Variants in ABTB2 observed in about 807,000 individuals in gnomAD.
The protein encoded by ABTB2 is ankyrin repeat and BTB/POZ domain-containing protein 2.
Under a neutral mutation model 104.1 loss-of-function variants are expected in ABTB2, and 56 were observed. The ratio of observed to expected loss-of-function variants is 0.54; its 90% CI spans 0.43 to 0.67. ABTB2 has a LOEUF of 0.67. Among genes scored for constraint, ABTB2 ranks in the 30% least tolerant of loss-of-function variants. The pLI, the probability that ABTB2 is intolerant of heterozygous loss-of-function variation, is 0.00. For missense variants in ABTB2, 1,279 were observed against 1,407.7 expected (o/e 0.91, Z 1.46); for synonymous variants, 606 against 608.2 (o/e 1.00, Z 0.05).
At chr11:34,249,395 GC>G (rs1178410670) in intron 1 of ABTB2, among the ~76,000 whole-genome samples, 5 of 152,198 alleles carry the variant, frequency 3.3e-5, no homozygotes, top group African/African-American at 9.7e-5. Context: ...TCCAGAGCTG[GC>G]TGCAGGTTCT....
intron 5 of ABTB2, among the ~76,000 whole-genome samples, chr11:34,170,511 T>C (rs1033122780): frequency 2.0e-5 from 3 of 152,206 alleles, no homozygotes; most frequent in Non-Finnish European, 2.9e-5. Flanking sequence ...TCTCCTGCAC[T>C]AAAATGGTAT....
chr11:34,323,584 C>T (rs1383529441), intron 1 of ABTB2, among the ~76,000 whole-genome samples: 1 of 152,014 alleles, frequency 6.6e-6, no homozygotes, highest in Non-Finnish European at 1.5e-5. Flanking sequence ...ACAGGGGTTT[C>T]CTCCCCCTTC....
chr11:34,235,082 C>T (rs1188702653), intron 1 of ABTB2, among the ~76,000 whole-genome samples: 1 of 152,066 alleles, frequency 6.6e-6, no homozygotes, highest in African/African-American at 2.4e-5. Flanking sequence ...AGGATGGTCT[C>T]GATCTCCTGA....
chr11:34,205,979 A>G (rs1385491860), intron 1 of ABTB2, among the ~76,000 whole-genome samples: 1 of 152,204 alleles, frequency 6.6e-6, no homozygotes, highest in African/African-American at 2.4e-5. Flanking sequence ...GGCTCAGAGT[A>G]CATGCTCTAC....
chr11:34,153,313 A>T (rs1242857632), intron 16 of ABTB2, among the ~76,000 whole-genome samples: 1 of 152,180 alleles, frequency 6.6e-6, no homozygotes, highest in African/African-American at 2.4e-5. Flanking sequence ...TTTAGCCTGC[A>T]GTAGGTGGAA....
chr11:34,250,871 A>G (rs1234689636), intron 1 of ABTB2, among the ~76,000 whole-genome samples: 1 of 152,244 alleles, frequency 6.6e-6, no homozygotes, highest in Non-Finnish European at 1.5e-5. Context: ...CTAGGGGGGT[A>G]GAAACCATCA....
chr11:34,174,324 CAAAAAAAAAA>C (rs545699866), intron 3 of ABTB2, among the ~76,000 whole-genome samples: 1 of 114,894 alleles, frequency 8.7e-6, no homozygotes, highest in Non-Finnish European at 1.8e-5. Context: ...GACTCCGTCT[CAAAAAAAAAA>C]AAAAAAAAAA....
At chr11:34,224,562 G>A (rs1202937891) in intron 1 of ABTB2, among the ~76,000 whole-genome samples, 2 of 152,062 alleles carry the variant, frequency 1.3e-5, no homozygotes, top group African/African-American at 2.4e-5. Context: ...CGACAATGAC[G>A]TGTTGGTTAA....
intron 1 of ABTB2, among the ~76,000 whole-genome samples, chr11:34,313,607 A>G (rs747616111): frequency 9.6e-4 from 146 of 152,328 alleles, no homozygotes; most frequent in Non-Finnish European, 1.6e-3. Flanking sequence ...ACGCCCTGAG[A>G]GATGGAGTTG....
intron 3 of ABTB2, 24 bp downstream of exon 3, chr11:34,197,301 G>A: frequency 6.2e-7 from 1 of 1,611,954 alleles, no homozygotes. Flanking sequence ...CCCACCAGGT[G>A]CTCAGCCCAA....
intron 1 of ABTB2, among the ~76,000 whole-genome samples, chr11:34,217,714 G>T (rs886872866): frequency 6.6e-6 from 1 of 152,180 alleles, no homozygotes; most frequent in Non-Finnish European, 1.5e-5. Context: ...TGCCTGCCGC[G>T]GCCTCCCAAA....
intron 3 of ABTB2, among the ~76,000 whole-genome samples, chr11:34,185,652 C>G (rs1183224489): frequency 6.6e-6 from 1 of 152,142 alleles, no homozygotes; most frequent in African/African-American, 2.4e-5. Context: ...AAAAAACAAC[C>G]ATTCTGAATG....
chr11:34,221,385 AG>A (rs1853620254), intron 1 of ABTB2, among the ~76,000 whole-genome samples: 1 of 152,212 alleles, frequency 6.6e-6, no homozygotes, highest in Non-Finnish European at 1.5e-5. Context: ...TCACACTCTC[AG>A]GTAGTGGGAG....
At chr11:34,226,949 C>T (rs1565145954) in intron 1 of ABTB2, among the ~76,000 whole-genome samples, 1 of 152,034 alleles carries the variant, frequency 6.6e-6, no homozygotes, top group African/African-American at 2.4e-5. Context: ...GCCTGTAGTC[C>T]CAGCTACTCT....
At chr11:34,159,266 G>C (rs1321844569) in intron 14 of ABTB2, 30 bp downstream of exon 14, 1 of 1,560,632 alleles carries the variant, frequency 6.4e-7, no homozygotes, top group African/African-American at 1.4e-5. Context: ...TCATCCCTCT[G>C]AGAAGAGGGC....
At chr11:34,167,490 T>C in intron 6 of ABTB2, 130 bp from the exon 7 acceptor site, 1 of 794,242 alleles carries the variant, frequency 1.3e-6, no homozygotes, top group Non-Finnish European at 2.1e-6. Context: ...GAGCACAAAG[T>C]GGACAAGGCT....
chr11:34,332,269 AC>A (rs5790984), intron 1 of ABTB2, among the ~76,000 whole-genome samples: 54,595 of 151,818 alleles, frequency 0.36, 10,614 homozygotes, highest in East Asian at 0.53. Flanking sequence ...TGGAGCATTC[AC>A]CCTCTAACCT....
At chr11:34,175,022 C>T (rs190062303) in intron 3 of ABTB2, among the ~76,000 whole-genome samples, 2 of 152,388 alleles carry the variant, frequency 1.3e-5, no homozygotes, top group East Asian at 3.9e-4. Flanking sequence ...TGTGCGGTCA[C>T]TGTGGTCTCT....
At chr11:34,177,200 A>G (rs1053978138) in intron 3 of ABTB2, among the ~76,000 whole-genome samples, 9 of 152,238 alleles carry the variant, frequency 5.9e-5, no homozygotes, top group African/African-American at 2.2e-4. Context: ...GGGGAAATCC[A>G]AGAGGGAATT....
Sources: gnomAD v4.1 joint callset for allele counts (sites outside exome capture counted in the v4.1 genomes callset) on GRCh38, gnomAD v4.1.1 for gene constraint, MANE v1.5 for transcripts, NCBI Gene and HGNC (gene_info 2026-07-23, HGNC 2026-07-21) for gene names.